EIF4E2: variants seen among roughly 807,000 people sequenced by gnomAD.
EIF4E2 encodes the protein eukaryotic translation initiation factor 4E family member 2, also known as eukaryotic translation initiation factor 4E type 2.
A neutral mutation model predicts 34.2 loss-of-function variants in EIF4E2; 13 were observed. The observed-to-expected ratio is 0.38, with a 90% CI of 0.25 to 0.60. EIF4E2 has a LOEUF of 0.60. EIF4E2 is among the 20% of genes least tolerant of loss of function. The pLI, the probability that EIF4E2 is intolerant of heterozygous loss-of-function variation, is 0.62. For synonymous variants in EIF4E2, 100 were observed against 106.6 expected (o/e 0.94, Z 0.38); for missense variants, 222 against 315.1 (o/e 0.70, Z 2.24).
At chr2:232,572,774 G>A (rs1559321998), downstream of EIF4E2, among the ~76,000 whole-genome samples, 3 of 152,236 alleles carry the variant, frequency 2.0e-5, no homozygotes, top group Admixed American at 2.0e-4. Context: ...GGAGGGAGCT[G>A]TGAAGTCCAT....
intron 6 of EIF4E2, chr2:232,567,479 GC>G: frequency 7.8e-7 from 1 of 1,285,810 alleles, no homozygotes; most frequent in Non-Finnish European, 9.8e-7. Context: ...ATTTCTACAG[GC>G]TGTCTTGTCT....
Sources: allele counts gnomAD v4.1 joint callset (sites outside exome capture counted in the v4.1 genomes callset), GRCh38; gene constraint gnomAD v4.1.1; transcripts MANE v1.5; gene names NCBI Gene and HGNC (gene_info 2026-07-23, HGNC 2026-07-21).